KLF8: variants seen among roughly 807,000 people sequenced by gnomAD.
The protein encoded by KLF8 is KLF transcription factor 8.
A neutral mutation model predicts 18.2 loss-of-function variants in KLF8; 10 were observed. The observed-to-expected ratio is 0.55, with a 90% CI of 0.34 to 0.93. KLF8 has a LOEUF of 0.93. Ranked by LOEUF, KLF8 falls within the 40% of genes least tolerant of loss-of-function variation. The pLI is 0.02. For synonymous variants in KLF8, 109 were observed against 97.3 expected (o/e 1.12, Z -0.71); for missense variants, 264 against 277.9 (o/e 0.95, Z 0.36).
chrX:55,962,431 CT>C, the KLF8 span: 1 of 243,956 alleles, frequency 4.1e-6, no homozygotes, highest in Non-Finnish European at 7.7e-6. Context: ...CAGGGGTCAC[CT>C]TCAGCAACAT....
the KLF8 span, among the ~76,000 whole-genome samples, chrX:56,173,098 G>A: frequency 9.0e-6 from 1 of 111,645 alleles, no homozygotes; most frequent in Non-Finnish European, 1.9e-5. Flanking sequence ...AAGCTCTTGA[G>A]TTTAATTAGA....
the KLF8 span, among the ~76,000 whole-genome samples, chrX:55,923,372 A>G: frequency 9.0e-5 from 10 of 110,664 alleles, no homozygotes; most frequent in Admixed American, 9.6e-4. Flanking sequence ...ATCCAGAAGA[A>G]TATTGAATGA....
the KLF8 span, among the ~76,000 whole-genome samples, chrX:56,050,252 T>C: frequency 8.9e-6 from 1 of 111,960 alleles, no homozygotes; most frequent in South Asian, 3.7e-4. Context: ...AAGGGTTTTT[T>C]GTGTCTCTAT....
At chrX:55,942,797 A>T in the KLF8 span, among the ~76,000 whole-genome samples, 2 of 112,332 alleles carry the variant, frequency 1.8e-5, no homozygotes, top group African/African-American at 6.5e-5. Flanking sequence ...AAGGCCCTGA[A>T]TTGAAGGCAA....
the KLF8 span, among the ~76,000 whole-genome samples, chrX:55,992,662 G>A: frequency 3.6e-5 from 4 of 112,015 alleles, no homozygotes; most frequent in South Asian, 7.4e-4. Flanking sequence ...GATAGAAATA[G>A]CATTGAAATC....
At chrX:56,052,160 A>G in the KLF8 span, among the ~76,000 whole-genome samples, 1 of 110,626 alleles carries the variant, frequency 9.0e-6, no homozygotes, top group Non-Finnish European at 1.9e-5. Flanking sequence ...TATTCTAGTT[A>G]TACATTCTTC....
the KLF8 span, among the ~76,000 whole-genome samples, chrX:55,979,536 GGTACCTT>G: frequency 8.9e-6 from 1 of 111,853 alleles, no homozygotes; most frequent in African/African-American, 3.2e-5. Context: ...TGTTTTGATT[GGTACCTT>G]GTACTATCTT....
At chrX:56,076,750 CCCA>C in the KLF8 span, among the ~76,000 whole-genome samples, 1 of 111,663 alleles carries the variant, frequency 9.0e-6, no homozygotes, top group Non-Finnish European at 1.9e-5. Flanking sequence ...AGTTCACAGT[CCCA>C]CCAACAGTGT....
In KLF8 at chrX:56,244,529, T is replaced by G. The variant is rs2066596400; in HGVS notation, c.8-5702T>G. Among the ~76,000 whole-genome samples the G allele has an allele frequency of 1.8e-5, 2 of 112,082 alleles. 1 individual carries two copies. The highest frequency in any genetic ancestry group is 7.5e-4 in the South Asian group (2 of 2,670). ...AAAATGAGGAAATAATGGTGCCTAC[T>G]ACTAGGGTTGTAAGGATTAAATGAA... On this transcript the variant is annotated intron_variant, in intron 1 of 5. Transcript: ENST00000468660.
At chrX:56,066,952 A>G in the KLF8 span, among the ~76,000 whole-genome samples, 1 of 110,053 alleles carries the variant, frequency 9.1e-6, no homozygotes, top group African/African-American at 3.3e-5. Flanking sequence ...TCATGCTGGG[A>G]ATTTGGACTG....
chrX:55,940,032 C>T, the KLF8 span, among the ~76,000 whole-genome samples: 128 of 111,671 alleles, frequency 1.1e-3, no homozygotes, highest in Non-Finnish European at 1.8e-3. Flanking sequence ...TTGATGAGGA[C>T]GGCATCATCC....
chrX:55,985,871 G>A, the KLF8 span, among the ~76,000 whole-genome samples: 1 of 110,558 alleles, frequency 9.0e-6, no homozygotes, highest in Non-Finnish European at 1.9e-5. Flanking sequence ...TTATTCCTGG[G>A]TATTATATTC....
chrX:56,071,392 G>T, the KLF8 span, among the ~76,000 whole-genome samples: 17 of 111,270 alleles, frequency 1.5e-4, no homozygotes, highest in Non-Finnish European at 2.6e-4. Context: ...AAGATCACAG[G>T]GGTTCAAAAT....
chrX:56,044,330 G>C, the KLF8 span, among the ~76,000 whole-genome samples: 1 of 112,217 alleles, frequency 8.9e-6, no homozygotes, highest in Admixed American at 9.4e-5. Flanking sequence ...CTTTCTGGGA[G>C]ACAAAGTGTG....
intron 2 of KLF8, among the ~76,000 whole-genome samples, chrX:56,257,680 G>A (rs965429216): frequency 1.8e-5 from 2 of 112,085 alleles, no homozygotes; most frequent in Non-Finnish European, 3.8e-5. Flanking sequence ...TGCTGCAAAA[G>A]ACATGATTTT....
the KLF8 span, among the ~76,000 whole-genome samples, chrX:56,134,995 A>G: frequency 9.0e-6 from 1 of 111,216 alleles, no homozygotes; most frequent in East Asian, 2.8e-4. Context: ...CAATAAAAAT[A>G]AAAATCAATA....
At chrX:56,043,672 G>A in the KLF8 span, among the ~76,000 whole-genome samples, 1 of 111,863 alleles carries the variant, frequency 8.9e-6, no homozygotes, top group Non-Finnish European at 1.9e-5. Context: ...TGTTTCTCTC[G>A]AAACTGGCTA....
chrX:56,005,718 G>A, the KLF8 span, among the ~76,000 whole-genome samples: 11 of 112,120 alleles, frequency 9.8e-5, no homozygotes, highest in Non-Finnish European at 1.5e-4. Flanking sequence ...AGGAGAGGAG[G>A]TGAGGTCCAT....
the KLF8 span, among the ~76,000 whole-genome samples, chrX:56,015,659 G>A: frequency 8.9e-6 from 1 of 111,844 alleles, no homozygotes; most frequent in Admixed American, 9.5e-5. Context: ...TAGGTGAGTG[G>A]GTTCAAGCAA....
Sources: allele counts gnomAD v4.1 joint callset (sites outside exome capture counted in the v4.1 genomes callset), GRCh38; gene constraint gnomAD v4.1.1; transcripts MANE v1.5; gene names NCBI Gene and HGNC (gene_info 2026-07-23, HGNC 2026-07-21).